Variants in CEMIP observed in about 807,000 individuals in gnomAD.
CEMIP encodes the protein cell migration-inducing and hyaluronan-binding protein.
Under a neutral mutation model 156.9 loss-of-function variants are expected in CEMIP, and 105 were observed. That is an observed-to-expected ratio of 0.67 (90% CI 0.57 to 0.79). The LOEUF is 0.79. Ranked by LOEUF, CEMIP falls within the 30% of genes least tolerant of loss-of-function variation. The pLI, the probability that CEMIP is intolerant of heterozygous loss-of-function variation, is 0.00. For synonymous variants in CEMIP, 676 were observed against 668.4 expected (o/e 1.01, Z -0.17); for missense variants, 1,457 against 1,769.4 (o/e 0.82, Z 3.17).
chr15:80,927,704 G>C (rs186973091), intron 19 of CEMIP, among the ~76,000 whole-genome samples: 1 of 152,220 alleles, frequency 6.6e-6, no homozygotes, highest in East Asian at 1.9e-4. Context: ...GGTGCAATCG[G>C]GGCTGACAGA....
chr15:80,841,695 G>A (rs1312725875), intron 1 of CEMIP, among the ~76,000 whole-genome samples: 1 of 152,162 alleles, frequency 6.6e-6, no homozygotes, highest in Non-Finnish European at 1.5e-5. Context: ...AGCTGCCGGA[G>A]CCCTCCCTCC....
At chr15:80,941,490 C>T (rs548323259) in intron 25 of CEMIP, among the ~76,000 whole-genome samples, 6 of 152,218 alleles carry the variant, frequency 3.9e-5, no homozygotes, top group African/African-American at 9.6e-5. Context: ...TGGTCCTGGG[C>T]GAGTCACTTC....
intron 8 of CEMIP, 59 bp downstream of exon 8, chr15:80,887,823 C>A: frequency 2.2e-6 from 3 of 1,362,620 alleles, no homozygotes; most frequent in Non-Finnish European, 3.1e-6. Context: ...TCAAGAGGTG[C>A]AGGGCTTTTC....
intron 25 of CEMIP, among the ~76,000 whole-genome samples, chr15:80,941,580 AATGAG>A (rs1157714635): frequency 1.3e-5 from 2 of 152,192 alleles, no homozygotes; most frequent in African/African-American, 2.4e-5. Context: ...TTGAGGATTA[AATGAG>A]ATATGTCGAT....
chr15:80,866,786 T>TAA (rs11403997), intron 1 of CEMIP, among the ~76,000 whole-genome samples: 80 of 135,960 alleles, frequency 5.9e-4, no homozygotes, highest in East Asian at 2.3e-3. Context: ...AACTCTGTCT[T>TAA]AAAAAAAAAA....
intron 1 of CEMIP, among the ~76,000 whole-genome samples, chr15:80,847,315 T>C (rs961240734): frequency 2.6e-5 from 4 of 152,196 alleles, no homozygotes; most frequent in Admixed American, 2.6e-4. Context: ...TCCCAAAGTG[T>C]TGAAACTGCA....
chr15:80,856,302 A>T (rs1897851143), intron 1 of CEMIP, among the ~76,000 whole-genome samples: 1 of 152,126 alleles, frequency 6.6e-6, no homozygotes, highest in Admixed American at 6.6e-5. Flanking sequence ...AGAATATGGA[A>T]CTCTAGTTAA....
intron 27 of CEMIP, 52 bp from the exon 28 acceptor site, chr15:80,942,893 A>G: frequency 6.2e-7 from 1 of 1,610,570 alleles, no homozygotes; most frequent in South Asian, 1.1e-5. Context: ...GGGCAGGAGA[A>G]CCATGGGGCC....
chr15:80,914,747 TC>T (rs1900200892), intron 14 of CEMIP, among the ~76,000 whole-genome samples: 1 of 152,234 alleles, frequency 6.6e-6, no homozygotes, highest in Admixed American at 6.5e-5. Flanking sequence ...CTCAACAGGT[TC>T]ACCTTTCCTG....
intron 6 of CEMIP, 48 bp downstream of exon 6, chr15:80,881,184 C>T (rs756707691): frequency 1.3e-6 from 2 of 1,528,772 alleles, no homozygotes; most frequent in South Asian, 1.1e-5. Context: ...TCAAAGTACA[C>T]TTATTGAGTG....
Position 80,906,135 on chromosome 15 carries a change from C to T in CEMIP, c.1412-528C>T, listed in dbSNP as rs1899792122. 6.6e-6 allele frequency among the ~76,000 whole-genome samples: 1 copy of T among 152,234 alleles called. No homozygotes were observed. Among genetic ancestry groups the T allele is most frequent in the Admixed American group, 6.5e-5 (1 of 15,290 alleles). On this transcript the variant is annotated intron_variant, in intron 12 of 29. Coordinates refer to ENST00000394685, the MANE Select transcript of CEMIP (RefSeq NM_001293298.2). This position sits in a 1 kb window ranked among gnomAD's most constrained non-coding sequence, Gnocchi z 4.3. ...AGACAGAGGGGTTCTGTTTTATCTT[C>T]CTAAGATCGGCAATCTACGGTATCA...
At chr15:80,934,956 G>A (rs1018089269) in intron 23 of CEMIP, among the ~76,000 whole-genome samples, 1 of 152,190 alleles carries the variant, frequency 6.6e-6, no homozygotes, top group African/African-American at 2.4e-5. Context: ...TGTAGAGAGT[G>A]GAAAATGTTG....
chr15:80,892,379 T>A (rs938404993), intron 10 of CEMIP, among the ~76,000 whole-genome samples: 1 of 152,172 alleles, frequency 6.6e-6, no homozygotes, highest in African/African-American at 2.4e-5. Flanking sequence ...AAAAACACAC[T>A]GTTTCTATGT....
intron 1 of CEMIP, among the ~76,000 whole-genome samples, chr15:80,869,803 A>G (rs893548072): frequency 6.6e-6 from 1 of 152,198 alleles, no homozygotes; most frequent in Non-Finnish European, 1.5e-5. Flanking sequence ...ACAATAGCTC[A>G]TGGTTATCAG....
chr15:80,927,016 A>G (rs1013035535), intron 19 of CEMIP, among the ~76,000 whole-genome samples: 10 of 152,126 alleles, frequency 6.6e-5, no homozygotes, highest in African/African-American at 9.7e-5. Context: ...TTTTCAGTAG[A>G]GACGGGGTTT....
At chr15:80,905,504 G>A (rs898061213) in intron 12 of CEMIP, among the ~76,000 whole-genome samples, 1 of 152,284 alleles carries the variant, frequency 6.6e-6, no homozygotes, top group East Asian at 1.9e-4. Context: ...TGCATTTTCT[G>A]CACAGAGTGG....
intron 14 of CEMIP, among the ~76,000 whole-genome samples, chr15:80,913,056 G>T (rs1277132138): frequency 6.6e-6 from 1 of 152,108 alleles, no homozygotes; most frequent in Non-Finnish European, 1.5e-5. Flanking sequence ...AGCTGAGAGT[G>T]CCTTAAAGCC....
intron 1 of CEMIP, among the ~76,000 whole-genome samples, chr15:80,805,933 A>G (rs2141613644): frequency 6.6e-6 from 1 of 152,350 alleles, no homozygotes; most frequent in East Asian, 1.9e-4. Context: ...TCATTGGGAC[A>G]TGAATTTATT....
intron 1 of CEMIP, among the ~76,000 whole-genome samples, chr15:80,856,324 C>CTGAA (rs1897851660): frequency 6.6e-6 from 1 of 152,176 alleles, no homozygotes; most frequent in Non-Finnish European, 1.5e-5. Flanking sequence ...AATATGCAGG[C>CTGAA]TGAAGTGTTT....
Sources: gnomAD v4.1 joint callset for allele counts (sites outside exome capture counted in the v4.1 genomes callset) on GRCh38, gnomAD v4.1.1 for gene constraint, Gnocchi (gnomAD v3.1) non-coding constraint, MANE v1.5 for transcripts, NCBI Gene and HGNC (gene_info 2026-07-23, HGNC 2026-07-21) for gene names.